Variants in PPARGC1A observed in about 807,000 individuals in gnomAD.
PPARGC1A encodes the protein peroxisome proliferator-activated receptor gamma coactivator 1-alpha.
Under a neutral mutation model 88.7 loss-of-function variants are expected in PPARGC1A, and 25 were observed. That is an observed-to-expected ratio of 0.28 (90% confidence interval 0.21 to 0.39). The LOEUF (loss-of-function observed/expected upper bound fraction) is 0.39, where lower values mean the gene tolerates loss of function less well. Among genes scored for constraint, PPARGC1A ranks in the 10% least tolerant of loss-of-function variants. The probability of loss-of-function intolerance (pLI) is 1.00; values close to 1 mark genes in which losing one functional copy is unlikely to be tolerated. For missense variants in PPARGC1A, 880 were observed against 968.7 expected, an observed-to-expected ratio of 0.91 and a Z score of 1.22; for synonymous variants, 363 against 355.6, an observed-to-expected ratio of 1.02 and a Z score of -0.24.
the PPARGC1A span, among the ~76,000 whole-genome samples, chr4:24,341,839 A>G: frequency 2.0e-5 from 3 of 152,314 alleles, no homozygotes; most frequent in African/African-American, 7.2e-5. Context: ...TGTCTCGCTC[A>G]CAGAAGGTGC....
At chr4:24,178,968 C>G in the PPARGC1A span, among the ~76,000 whole-genome samples, 6 of 152,146 alleles carry the variant, frequency 3.9e-5, no homozygotes, top group Non-Finnish European at 5.9e-5. Flanking sequence ...TATTCTTCAC[C>G]TACAGCTTAT....
chr4:23,971,873 C>T, the PPARGC1A span, among the ~76,000 whole-genome samples: 1 of 152,142 alleles, frequency 6.6e-6, no homozygotes, highest in Non-Finnish European at 1.5e-5. Context: ...AAATGGACCC[C>T]CAGACCATGT....
the PPARGC1A span, among the ~76,000 whole-genome samples, chr4:24,287,833 C>A: frequency 6.6e-6 from 1 of 152,066 alleles, no homozygotes; most frequent in Non-Finnish European, 1.5e-5. Context: ...GTTATATGCT[C>A]AGAAAAAGAC....
intron 2 of PPARGC1A, among the ~76,000 whole-genome samples, chr4:23,844,021 T>C (rs994534674): frequency 6.6e-6 from 1 of 151,634 alleles, no homozygotes; most frequent in African/African-American, 2.4e-5. Context: ...AAATATTATA[T>C]ATATATCTTT....
chr4:24,429,280 A>AAC, the PPARGC1A span, among the ~76,000 whole-genome samples: 1,505 of 152,120 alleles, frequency 9.9e-3, 19 homozygotes, highest in African/African-American at 0.035. Flanking sequence ...ACACACATGC[A>AAC]ACACACACAC....
At chr4:24,259,349 G>A in the PPARGC1A span, among the ~76,000 whole-genome samples, 1 of 152,022 alleles carries the variant, frequency 6.6e-6, no homozygotes, top group Admixed American at 6.6e-5. Context: ...CTTTTTGCTT[G>A]GGCCAATATT....
chr4:23,889,777 A>T (rs1388273964), intron 1 of PPARGC1A, 127 bp downstream of exon 1: 1 of 1,130,570 alleles, frequency 8.8e-7, no homozygotes, highest in East Asian at 2.5e-5. Context: ...AGATTCTTCT[A>T]AAAGCTCCTG....
the PPARGC1A span, among the ~76,000 whole-genome samples, chr4:24,355,094 G>A: frequency 8.5e-5 from 13 of 152,220 alleles, no homozygotes; most frequent in Non-Finnish European, 1.5e-4. Flanking sequence ...GGGACTTACC[G>A]CAGCTATGTT....
At chr4:24,193,065 T>A in the PPARGC1A span, among the ~76,000 whole-genome samples, 1 of 152,232 alleles carries the variant, frequency 6.6e-6, no homozygotes, top group Non-Finnish European at 1.5e-5. Flanking sequence ...ATGCAAATAG[T>A]TTAGCATATT....
chr4:23,877,467 G>C (rs111841681), intron 2 of PPARGC1A, among the ~76,000 whole-genome samples: 33 of 147,874 alleles, frequency 2.2e-4, no homozygotes, highest in African/African-American at 8.2e-4. Flanking sequence ...GAACCCAGGA[G>C]GGGGAGGTTG....
chr4:24,113,035 T>C, the PPARGC1A span, among the ~76,000 whole-genome samples: 1 of 152,238 alleles, frequency 6.6e-6, no homozygotes, highest in African/African-American at 2.4e-5. Context: ...TCAAATCCCA[T>C]TTTATTCCAG....
At chr4:24,443,920 G>A in the PPARGC1A span, among the ~76,000 whole-genome samples, 1 of 152,098 alleles carries the variant, frequency 6.6e-6, no homozygotes, top group South Asian at 2.1e-4. Context: ...TTGTTTTCAG[G>A]TGGTTCAATT....
At chr4:24,173,647 C>T in the PPARGC1A span, among the ~76,000 whole-genome samples, 1 of 152,154 alleles carries the variant, frequency 6.6e-6, no homozygotes, top group Non-Finnish European at 1.5e-5. Context: ...CAGGATATGT[C>T]GTGAGGAGCA....
At chr4:23,833,183 A>C (rs915933109) in intron 2 of PPARGC1A, among the ~76,000 whole-genome samples, 1 of 152,200 alleles carries the variant, frequency 6.6e-6, no homozygotes, top group East Asian at 1.9e-4. Flanking sequence ...CTCTGTAAAA[A>C]ATGTTCAAGG....
the PPARGC1A span, among the ~76,000 whole-genome samples, chr4:24,249,326 C>G: frequency 6.6e-6 from 1 of 152,054 alleles, no homozygotes; most frequent in Non-Finnish European, 1.5e-5. Flanking sequence ...ATTCACTCTC[C>G]AAAAACAATC....
chr4:23,828,781 T>C (rs1033530418), intron 4 of PPARGC1A, among the ~76,000 whole-genome samples, 177 bp from the exon 5 acceptor site: 1 of 152,206 alleles, frequency 6.6e-6, no homozygotes, highest in African/African-American at 2.4e-5. Context: ...TTAAAATTCC[T>C]AAATGACATT....
the PPARGC1A span, among the ~76,000 whole-genome samples, chr4:24,033,676 A>G: frequency 6.6e-6 from 1 of 152,088 alleles, no homozygotes; most frequent in African/African-American, 2.4e-5. Flanking sequence ...GAAAAAAAAC[A>G]CAATTCCAAA....
At chr4:24,194,622 A>ACGCG in the PPARGC1A span, among the ~76,000 whole-genome samples, 112 of 38,666 alleles carry the variant, frequency 2.9e-3, no homozygotes, top group African/African-American at 6.0e-3. Context: ...ACGCGCGCGC[A>ACGCG]CGCGCGCGCA....
chr4:24,455,310 G>C, the PPARGC1A span, among the ~76,000 whole-genome samples: 1 of 152,092 alleles, frequency 6.6e-6, no homozygotes, highest in Non-Finnish European at 1.5e-5. Flanking sequence ...GCAAGACTCT[G>C]TCACTACAAA....
Sources: gnomAD v4.1 joint callset for allele counts (sites outside exome capture counted in the v4.1 genomes callset) on GRCh38, gnomAD v4.1.1 for gene constraint, MANE v1.5 for transcripts, NCBI Gene and HGNC (gene_info 2026-07-23, HGNC 2026-07-21) for gene names.